CHD1L: variants seen among roughly 807,000 people sequenced by gnomAD.
CHD1L encodes chromodomain helicase DNA binding protein 1 like.
In CHD1L, 118 loss-of-function variants were observed where a neutral mutation model predicts 115.9. The observed-to-expected ratio is 1.02, with a 90% CI of 0.88 to 1.19. CHD1L has a LOEUF of 1.19. Ranked by LOEUF, CHD1L falls within the 50% of genes most tolerant of loss-of-function variation. The probability of loss-of-function intolerance (pLI) is 0.00; values close to 1 mark genes in which losing one functional copy is unlikely to be tolerated. For synonymous variants in CHD1L, 411 were observed against 387.1 expected (o/e 1.06, Z -0.72); for missense variants, 1,179 against 1,065.3 (o/e 1.11, Z -1.49).
the CHD1L span, chr1:147,201,197 G>A: frequency 6.2e-7 from 1 of 1,614,084 alleles, no homozygotes. Context: ...TCTGAAATGG[G>A]CATAATGGCT....
At chr1:147,186,840 T>C in the CHD1L span, 1 of 1,547,112 alleles carries the variant, frequency 6.5e-7, no homozygotes, top group Non-Finnish European at 8.7e-7. Context: ...TCTCGTCAGA[T>C]TCTGAAGGCA....
chr1:147,264,394 TTTTA>T (rs1331500576), intron 6 of CHD1L, 24 bp from the exon 7 acceptor site: 20 of 1,540,442 alleles, frequency 1.3e-5, no homozygotes, highest in Non-Finnish European at 1.7e-5. Flanking sequence ...GTTATGGAAT[TTTTA>T]TTTTATTTAT....
At chr1:147,271,544 A>G (rs1559813879) in intron 11 of CHD1L, among the ~76,000 whole-genome samples, 1 of 152,224 alleles carries the variant, frequency 6.6e-6, no homozygotes, top group Non-Finnish European at 1.5e-5. Flanking sequence ...GTTGATCTTG[A>G]GCCCAATGTT....
At chr1:147,187,049 G>A in the CHD1L span, 1 of 1,613,930 alleles carries the variant, frequency 6.2e-7, no homozygotes, top group Admixed American at 1.7e-5. Context: ...ATAGCTTTTC[G>A]AGCCCCATCC....
At chr1:147,184,315 C>G in the CHD1L span, 1 of 584,192 alleles carries the variant, frequency 1.7e-6, no homozygotes, top group Non-Finnish European at 2.6e-6. The surrounding 1 kb of genome is among the most constrained non-coding windows in gnomAD (Gnocchi z 4.4). Context: ...TACCCCACAT[C>G]CAATTTCCTT....
At chr1:147,190,695 T>C in the CHD1L span, among the ~76,000 whole-genome samples, 1 of 152,140 alleles carries the variant, frequency 6.6e-6, no homozygotes, top group African/African-American at 2.4e-5. Flanking sequence ...TTGTTTTTAT[T>C]ATTATACCTT....
intron 8 of CHD1L, 32 bp from the exon 9 acceptor site, chr1:147,267,394 T>C (rs1553949183): frequency 3.8e-6 from 6 of 1,560,840 alleles, no homozygotes; most frequent in Non-Finnish European, 3.5e-6. Flanking sequence ...AGGCCATCTC[T>C]TTCTGTCTCT....
the CHD1L span, among the ~76,000 whole-genome samples, chr1:147,206,275 T>C: frequency 6.6e-6 from 1 of 151,870 alleles, no homozygotes; most frequent in East Asian, 1.9e-4. Flanking sequence ...CAACAGGTGC[T>C]GGAGAGGATG....
chr1:147,280,925 C>T (rs1341732337), intron 15 of CHD1L, among the ~76,000 whole-genome samples: 1 of 152,106 alleles, frequency 6.6e-6, no homozygotes, highest in African/African-American at 2.4e-5. Flanking sequence ...TCTTAATTCA[C>T]CAGTACTTTC....
chr1:147,283,250 A>G lies in CHD1L; in HGVS notation c.1706-1101A>G, dbSNP rs116887258. On this transcript the variant is annotated intron_variant, in intron 15 of 22. Coordinates refer to ENST00000369258, the MANE Select transcript of CHD1L (RefSeq NM_004284.6). ...CTGATTTAATTAGCAAATGCCAATTAGAATTACAGCTGGTTAGATTTGGGT... is the reference window on the plus strand; with the variant it reads ...CTGATTTAATTAGCAAATGCCAATTGGAATTACAGCTGGTTAGATTTGGGT... Among the ~76,000 whole-genome samples, 4 of 152,362 alleles carry G rather than the reference A, an allele frequency of 2.6e-5. No homozygotes were observed. In the East Asian group the frequency reaches 7.7e-4, roughly 29 times the overall value.
the CHD1L span, among the ~76,000 whole-genome samples, chr1:147,217,502 T>A: frequency 1.3e-5 from 2 of 152,244 alleles, no homozygotes; most frequent in Admixed American, 1.3e-4. Flanking sequence ...AAACATTAAA[T>A]AGCCACAAAG....
chr1:147,231,189 A>G, the CHD1L span, among the ~76,000 whole-genome samples: 8 of 151,934 alleles, frequency 5.3e-5, no homozygotes, highest in African/African-American at 1.9e-4. Context: ...TGTGTCCCAG[A>G]GATTCTGGTA....
chr1:147,221,234 A>C, the CHD1L span, among the ~76,000 whole-genome samples: 2 of 152,206 alleles, frequency 1.3e-5, no homozygotes, highest in African/African-American at 4.8e-5. Context: ...CTGGAACAGC[A>C]AAAGGCCATT....
rs587641933 is a variant in CHD1L at position 147,277,111 on chromosome 1, G to A, written c.1539+854G>A. 2.6e-5 allele frequency among the ~76,000 whole-genome samples: 4 copies of A among 152,244 alleles called. No individual in the cohort carries two copies. The South Asian group carries it at 6.2e-4, about 24-fold the overall frequency. On this transcript the variant is annotated intron_variant, in intron 14 of 22. Coordinates refer to ENST00000369258, the MANE Select transcript of CHD1L (RefSeq NM_004284.6). Reference sequence around the variant, plus strand: ...TTAGGCCCCTATGATGAGGAGAGAAGAAAGGAAAATAAGAAGTAGGGCAGA... The same window carrying A: ...TTAGGCCCCTATGATGAGGAGAGAAAAAAGGAAAATAAGAAGTAGGGCAGA...
At chr1:147,191,511 G>A in the CHD1L span, among the ~76,000 whole-genome samples, 27 of 150,522 alleles carry the variant, frequency 1.8e-4, no homozygotes, top group East Asian at 4.3e-3. Flanking sequence ...CATATCCTTT[G>A]CCCACTTTTT....
the CHD1L span, chr1:147,173,061 G>C: frequency 6.6e-6 from 1 of 152,648 alleles, no homozygotes; most frequent in Non-Finnish European, 1.5e-5. Context: ...CCAGCACTTT[G>C]GGAGGCTGAG....
intron 16 of CHD1L, 83 bp downstream of exon 16, chr1:147,284,582 T>C: frequency 8.0e-7 from 1 of 1,257,786 alleles, no homozygotes; most frequent in South Asian, 1.6e-5. Flanking sequence ...GGCATCGTTT[T>C]GTTCTCTTAG....
At chr1:147,245,082 A>C (rs1298344588) in intron 1 of CHD1L, among the ~76,000 whole-genome samples, 5 of 152,178 alleles carry the variant, frequency 3.3e-5, no homozygotes, top group African/African-American at 1.2e-4. Flanking sequence ...TGTTTCTGGA[A>C]TATGCAGACC....
At chr1:147,292,960 G>A (rs1553971896) in intron 20 of CHD1L, among the ~76,000 whole-genome samples, 1 of 151,970 alleles carries the variant, frequency 6.6e-6, no homozygotes, top group East Asian at 1.9e-4. Flanking sequence ...TTTCTGTTGA[G>A]TCATTCCTTC....
Sources: allele counts gnomAD v4.1 joint callset (sites outside exome capture counted in the v4.1 genomes callset), GRCh38; gene constraint gnomAD v4.1.1; non-coding constraint Gnocchi (gnomAD v3.1); transcripts MANE v1.5; gene names NCBI Gene and HGNC (gene_info 2026-07-23, HGNC 2026-07-21).